Variants in TMOD2 observed in about 807,000 individuals in gnomAD.
TMOD2 encodes tropomodulin-2.
TMOD2 carries 22 observed loss-of-function variants against 39.9 expected under a neutral mutation model. That is an observed-to-expected ratio of 0.55 (90% CI 0.39 to 0.79). The LOEUF (loss-of-function observed/expected upper bound fraction) is 0.79. TMOD2 is among the 30% of genes least tolerant of loss of function. The pLI, the probability that TMOD2 is intolerant of heterozygous loss-of-function variation, is 0.00. For synonymous variants in TMOD2, 123 were observed against 146.1 expected, an observed-to-expected ratio of 0.84 and a Z score of 1.14; for missense variants, 386 against 413.3, an observed-to-expected ratio of 0.93 and a Z score of 0.57.
At chr15:51,796,095 A>ATTTTTG in intron 7 of TMOD2, among the ~76,000 whole-genome samples, 1 of 42,220 alleles carries the variant, frequency 2.4e-5, no homozygotes, top group Non-Finnish European at 5.0e-5. Flanking sequence ...CCCTGTTTAT[A>ATTTTTG]ATGGAGAGCA....
intron 4 of TMOD2, among the ~76,000 whole-genome samples, chr15:51,775,243 G>C (rs1439525363): frequency 6.6e-6 from 1 of 152,192 alleles, no homozygotes; most frequent in Non-Finnish European, 1.5e-5. Context: ...TCTTACACTG[G>C]CTGGGTGTCA....
chr15:51,801,235 T>TCACACA (rs745892590), intron 8 of TMOD2, among the ~76,000 whole-genome samples: 1,476 of 108,822 alleles, frequency 0.014, 11 homozygotes, highest in African/African-American at 0.029. Context: ...TCTCTCTCTC[T>TCACACA]CTCACACACA....
chr15:51,762,189 G>A (rs2055785974), intron 1 of TMOD2, among the ~76,000 whole-genome samples: 1 of 152,002 alleles, frequency 6.6e-6, no homozygotes. Flanking sequence ...GGGCACAGTG[G>A]CTCATACCTG....
chr15:51,801,227 T>TCA (rs1226187762), intron 8 of TMOD2, among the ~76,000 whole-genome samples: 30 of 94,944 alleles, frequency 3.2e-4, no homozygotes, highest in South Asian at 1.6e-3. Flanking sequence ...CCTCTCTCTC[T>TCA]CTCTCTCTCT....
At chr15:51,767,925 G>C (rs2055826721) in intron 2 of TMOD2, among the ~76,000 whole-genome samples, 1 of 152,186 alleles carries the variant, frequency 6.6e-6, no homozygotes, top group Non-Finnish European at 1.5e-5. Flanking sequence ...TTCTGCCTGG[G>C]AGCACCTTGG....
At chr15:51,800,513 G>T (rs2056080202) in intron 8 of TMOD2, among the ~76,000 whole-genome samples, 1 of 152,014 alleles carries the variant, frequency 6.6e-6, no homozygotes, top group Admixed American at 6.6e-5. Flanking sequence ...TCCAGCCTGG[G>T]TGACAGAGCA....
chr15:51,792,436 AT>A (rs767117078), intron 7 of TMOD2, among the ~76,000 whole-genome samples: 1 of 152,240 alleles, frequency 6.6e-6, no homozygotes, highest in Non-Finnish European at 1.5e-5. Context: ...TAGTTCAACC[AT>A]TGTGGAAGAC....
In TMOD2 at chr15:51,782,799, G is replaced by A. The variant is rs549512363; in HGVS notation, c.703G>A (p.Ala235Thr). Residue 235 changes from alanine (A) to threonine (T), a missense_variant, in exon 7 of 10, where the codon GCA (alanine) becomes ACA (threonine). Transcript: ENST00000249700. ...TCACGTGAAGAAGTTCAGCCTGGCC[G>A]CAACTCGCAGCAATGACCCTGTGGC... ...NTHVKKFSLA[A>T]TRSNDPVAIA... The A allele has an allele frequency of 3.8e-5, 62 of 1,613,914 alleles. No individual in the cohort carries two copies. The highest frequency in any genetic ancestry group is 6.7e-5 in the East Asian group (3 of 44,868).
intron 3 of TMOD2, among the ~76,000 whole-genome samples, chr15:51,770,624 C>G (rs1296968103): frequency 6.6e-6 from 1 of 152,064 alleles, no homozygotes; most frequent in African/African-American, 2.4e-5. Flanking sequence ...GTGGATCACA[C>G]ATCATTGAGA....
At chr15:51,757,100 A>C (rs1043315669) in intron 1 of TMOD2, among the ~76,000 whole-genome samples, 7 of 152,218 alleles carry the variant, frequency 4.6e-5, no homozygotes. Context: ...TATTGAAGAC[A>C]TATTAAAAAG....
chr15:51,782,914 T>G, intron 7 of TMOD2, 86 bp downstream of exon 7: 1 of 1,320,316 alleles, frequency 7.6e-7, no homozygotes, highest in Non-Finnish European at 1.1e-6. Context: ...TAACAATTTT[T>G]TAGATCTGGA....
chr15:51,792,317 C>T (rs146564617), intron 7 of TMOD2, among the ~76,000 whole-genome samples: 1 of 152,114 alleles, frequency 6.6e-6, no homozygotes, highest in African/African-American at 2.4e-5. Context: ...AATGAGATAC[C>T]ATCTCATGCC....
At chr15:51,788,768 G>A (rs1411816322) in intron 7 of TMOD2, among the ~76,000 whole-genome samples, 1 of 152,170 alleles carries the variant, frequency 6.6e-6, no homozygotes, top group Non-Finnish European at 1.5e-5. Flanking sequence ...AGCTTCATAA[G>A]TGGAGGAGAA....
At chr15:51,755,422 G>T (rs1375258461) in intron 1 of TMOD2, among the ~76,000 whole-genome samples, 1 of 152,148 alleles carries the variant, frequency 6.6e-6, no homozygotes, top group Non-Finnish European at 1.5e-5. Flanking sequence ...CTATTCCTAG[G>T]TTCCCCTGGT....
chr15:51,765,810 C>T (rs1029739490), intron 1 of TMOD2, among the ~76,000 whole-genome samples: 4 of 152,150 alleles, frequency 2.6e-5, no homozygotes, highest in Admixed American at 2.6e-4. Flanking sequence ...TTTAGAATCG[C>T]ACTTAGTTTA....
intron 9 of TMOD2, 55 bp from the exon 10 acceptor site, chr15:51,808,365 G>A (rs2056134013): frequency 1.4e-6 from 2 of 1,420,680 alleles, no homozygotes; most frequent in Non-Finnish European, 2.0e-6. Context: ...TGTTTATCTG[G>A]AATTTAAGGA....
chr15:51,788,263 A>G (rs1245472926), intron 7 of TMOD2, among the ~76,000 whole-genome samples: 1 of 152,204 alleles, frequency 6.6e-6, no homozygotes, highest in Non-Finnish European at 1.5e-5. Flanking sequence ...AAGTGGAAGA[A>G]AGGATATCAG....
chr15:51,776,477 A>G (rs946148298), intron 4 of TMOD2, among the ~76,000 whole-genome samples: 3 of 152,132 alleles, frequency 2.0e-5, no homozygotes, highest in African/African-American at 7.2e-5. Context: ...CTCTAGAGAC[A>G]ATTATATTTG....
chr15:51,764,811 G>T (rs1254041154), intron 1 of TMOD2, among the ~76,000 whole-genome samples: 1 of 151,952 alleles, frequency 6.6e-6, no homozygotes, highest in Non-Finnish European at 1.5e-5. Context: ...TCCACCTTAT[G>T]ACCTCCTCCT....
Sources: gnomAD v4.1 joint callset for allele counts (sites outside exome capture counted in the v4.1 genomes callset) on GRCh38, gnomAD v4.1.1 for gene constraint, MANE v1.5 for transcripts, NCBI Gene and HGNC (gene_info 2026-07-23, HGNC 2026-07-21) for gene names.